The following IMMP2L variants were observed in gnomAD, a reference collection of about 807,000 sequenced individuals.
IMMP2L encodes the protein inner mitochondrial membrane peptidase subunit 2.
A neutral mutation model predicts 19.3 loss-of-function variants in IMMP2L; 18 were observed. The ratio of observed to expected loss-of-function variants is 0.93; its 90% confidence interval spans 0.64 to 1.38. The LOEUF is 1.38. IMMP2L is among the 40% of genes most tolerant of loss of function. The pLI, the probability that IMMP2L is intolerant of heterozygous loss-of-function variation, is 0.00. For missense variants in IMMP2L, 233 were observed against 218.2 expected (o/e 1.07, Z -0.43); for synonymous variants, 76 against 73.0 (o/e 1.04, Z -0.21).
chr7:111,126,058 T>C (rs1429366301), intron 3 of IMMP2L, among the ~76,000 whole-genome samples: 1 of 152,030 alleles, frequency 6.6e-6, no homozygotes, highest in African/African-American at 2.4e-5. Context: ...CCTGGCCTCA[T>C]ATGATCTGCC....
intron 3 of IMMP2L, among the ~76,000 whole-genome samples, chr7:111,225,086 T>C (rs1165620866): frequency 2.0e-5 from 3 of 152,138 alleles, no homozygotes; most frequent in Admixed American, 2.0e-4. Flanking sequence ...CCAAACACTT[T>C]TTACTTAAAG....
At chr7:111,262,176 T>A (rs1161135707) in intron 3 of IMMP2L, among the ~76,000 whole-genome samples, 3 of 152,144 alleles carry the variant, frequency 2.0e-5, no homozygotes, top group Non-Finnish European at 4.4e-5. Context: ...CAGGAACTTA[T>A]ATTCTAATGG....
chr7:111,390,298 C>T (rs747223525), intron 3 of IMMP2L, among the ~76,000 whole-genome samples: 4 of 152,160 alleles, frequency 2.6e-5, no homozygotes, highest in Non-Finnish European at 5.9e-5. Context: ...GCCTGCCTCA[C>T]AGTTTGGCTT....
intron 3 of IMMP2L, among the ~76,000 whole-genome samples, chr7:111,239,808 T>C (rs1488210332): frequency 6.6e-6 from 1 of 151,948 alleles, no homozygotes; most frequent in African/African-American, 2.4e-5. Flanking sequence ...CAATAGACTA[T>C]TTAATCTGCC....
intron 3 of IMMP2L, among the ~76,000 whole-genome samples, chr7:111,379,724 T>C (rs919434592): frequency 6.6e-6 from 1 of 151,868 alleles, no homozygotes; most frequent in Non-Finnish European, 1.5e-5. Context: ...AAACTCTAAA[T>C]AACAAAATTG....
At chr7:111,531,884 A>G (rs1426001953) in intron 1 of IMMP2L, among the ~76,000 whole-genome samples, 2 of 152,286 alleles carry the variant, frequency 1.3e-5, no homozygotes, top group East Asian at 3.9e-4. Context: ...AGGATATATT[A>G]CCAGCATCAG....
At chr7:111,124,544 T>C in intron 3 of IMMP2L, 3 of 1,613,700 alleles carry the variant, frequency 1.9e-6, no homozygotes, top group Non-Finnish European at 2.5e-6. Flanking sequence ...GAGTATAAAA[T>C]TTGTATTGAT....
At chr7:110,778,100 C>T (rs1450090978) in intron 5 of IMMP2L, among the ~76,000 whole-genome samples, 1 of 151,718 alleles carries the variant, frequency 6.6e-6, no homozygotes, top group Non-Finnish European at 1.5e-5. Context: ...CAAATGAAGG[C>T]AAAAATATAG....
At chr7:111,443,221 T>C (rs921496462) in intron 3 of IMMP2L, among the ~76,000 whole-genome samples, 1 of 151,922 alleles carries the variant, frequency 6.6e-6, no homozygotes, top group Non-Finnish European at 1.5e-5. Flanking sequence ...CACACATGGC[T>C]ACATGATATA....
chr7:111,084,968 T>C (rs948425554), intron 3 of IMMP2L, among the ~76,000 whole-genome samples: 1 of 152,174 alleles, frequency 6.6e-6, no homozygotes, highest in East Asian at 1.9e-4. Context: ...TGTGGAAATA[T>C]TGCTAGATAT....
chr7:110,775,249 CTGTGTGTGTGTGTG>C (rs56387151), intron 5 of IMMP2L, among the ~76,000 whole-genome samples: 6 of 146,708 alleles, frequency 4.1e-5, no homozygotes, highest in Non-Finnish European at 6.0e-5. Flanking sequence ...CTTAAGTCAG[CTGTGTGTGTGTGTG>C]TGTGTGTGTG....
chr7:111,534,572 C>A (rs984778521), intron 1 of IMMP2L, among the ~76,000 whole-genome samples: 7 of 152,042 alleles, frequency 4.6e-5, no homozygotes, highest in Non-Finnish European at 8.8e-5. Flanking sequence ...TTACTTAAAT[C>A]TTCAGTAATA....
At chr7:110,847,531 T>C (rs1016280278) in intron 5 of IMMP2L, among the ~76,000 whole-genome samples, 4 of 152,124 alleles carry the variant, frequency 2.6e-5, no homozygotes, top group Admixed American at 1.3e-4. Context: ...ATAACCTCAA[T>C]CAAAAGCAAG....
At chr7:111,344,988 C>T (rs909241323) in intron 3 of IMMP2L, among the ~76,000 whole-genome samples, 1 of 152,046 alleles carries the variant, frequency 6.6e-6, no homozygotes, top group African/African-American at 2.4e-5. Context: ...CCCAGAAACC[C>T]AGGGACTCAA....
At chr7:111,524,800 ACTACCAGATC>A (rs112732584) in intron 1 of IMMP2L, among the ~76,000 whole-genome samples, 3,038 of 152,204 alleles carry the variant, frequency 0.02, 103 homozygotes, top group African/African-American at 0.069. Context: ...AATGAACACC[ACTACCAGATC>A]CTACTTTGTA....
At chr7:110,737,703 TAG>T (rs1347393788) in intron 5 of IMMP2L, among the ~76,000 whole-genome samples, 1 of 152,182 alleles carries the variant, frequency 6.6e-6, no homozygotes, top group Non-Finnish European at 1.5e-5. Context: ...ATCCTCCATA[TAG>T]GACCACAGCT....
At chr7:111,437,415 C>A (rs932755192) in intron 3 of IMMP2L, among the ~76,000 whole-genome samples, 2 of 151,884 alleles carry the variant, frequency 1.3e-5, no homozygotes, top group Non-Finnish European at 2.9e-5. Context: ...CATTGCCCCA[C>A]AGACTGGGCA....
intron 3 of IMMP2L, among the ~76,000 whole-genome samples, chr7:110,984,303 A>G (rs986644086): frequency 6.6e-6 from 1 of 151,832 alleles, no homozygotes; most frequent in African/African-American, 2.4e-5. Context: ...AAAAAAAAAA[A>G]CCACCTAGAT....
At chr7:110,861,895 A>G (rs1212688119) in intron 5 of IMMP2L, among the ~76,000 whole-genome samples, 1 of 152,094 alleles carries the variant, frequency 6.6e-6, no homozygotes, top group East Asian at 1.9e-4. Flanking sequence ...CCAAATGCCT[A>G]AAGCAGATTC....
Sources: gnomAD v4.1 joint callset for allele counts (sites outside exome capture counted in the v4.1 genomes callset) on GRCh38, gnomAD v4.1.1 for gene constraint, MANE v1.5 for transcripts, NCBI Gene and HGNC (gene_info 2026-07-23, HGNC 2026-07-21) for gene names.